GRHL3: variants seen among roughly 807,000 people sequenced by gnomAD.
The protein encoded by GRHL3 is grainyhead-like protein 3 homolog.
In GRHL3, 20 loss-of-function variants were observed where a neutral mutation model predicts 70.3. That is an observed-to-expected ratio of 0.28 (90% CI 0.20 to 0.41). The LOEUF (loss-of-function observed/expected upper bound fraction) is 0.41, where lower values mean the gene tolerates loss of function less well. Ranked by LOEUF, GRHL3 falls within the 10% of genes least tolerant of loss-of-function variation. The pLI is 1.00. For synonymous variants in GRHL3, 299 were observed against 299.9 expected (o/e 1.00, Z 0.03); for missense variants, 637 against 762.3 (o/e 0.84, Z 1.94).
At chr1:24,332,466 C>T (rs1299827789) in intron 2 of GRHL3, among the ~76,000 whole-genome samples, 1 of 152,200 alleles carries the variant, frequency 6.6e-6, no homozygotes, top group Admixed American at 6.5e-5. Flanking sequence ...ACCCCCCTCC[C>T]ACCTCCAGTG....
intron 1 of GRHL3, chr1:24,323,110 A>T (rs1488762102): frequency 1.3e-6 from 2 of 1,535,720 alleles, no homozygotes; most frequent in Admixed American, 2.0e-5. Flanking sequence ...CATTCTTCCT[A>T]TTTTTCTGTA....
Position 24,342,652 on chromosome 1 carries a change from C to T in GRHL3, c.1207-42C>T. 6.4e-7 allele frequency: 1 copy of T among 1,554,986 alleles called. No individual in the cohort carries two copies. The highest frequency in any genetic ancestry group is 8.9e-7 in the Non-Finnish European group (1 of 1,126,546). On this transcript the variant is annotated intron_variant, in intron 9 of 15. Transcript: ENST00000361548. This position sits in a 1 kb window ranked among gnomAD's most constrained non-coding sequence, Gnocchi z 4.8. ...GCAGCAGCTGTGAAAGTAGCTAGCC[C>T]CTCCCAGGCCCTTGGTGACCCTCTC...
chr1:24,337,473 T>C (rs1248102786), intron 5 of GRHL3, 163 bp from the exon 6 acceptor site: 2 of 705,580 alleles, frequency 2.8e-6, no homozygotes, highest in Admixed American at 2.9e-5. Context: ...AGCCATTAAA[T>C]AGAACCCCCA....
At chr1:24,323,331 A>G (rs1639275178) in intron 1 of GRHL3, among the ~76,000 whole-genome samples, 1 of 152,162 alleles carries the variant, frequency 6.6e-6, no homozygotes, top group Admixed American at 6.5e-5. Context: ...CTGAATCAGA[A>G]ACTGGGGGTA....
In GRHL3 at chr1:24,322,116, A is replaced by G. The variant is rs1359405235; in HGVS notation, c.17+2548A>G. Among the ~76,000 whole-genome samples, 1 of 152,042 alleles carries G rather than the reference A, an allele frequency of 6.6e-6. No individual in the cohort carries two copies. The highest frequency in any genetic ancestry group is 2.4e-5 in the African/African-American group (1 of 41,398). Reference sequence around the variant, plus strand: ...TGGAGGGCCGGCCGGCGCTCCAGGCAGGCCCCGTTGACAGCCCAGGAAGGG... The same window carrying G: ...TGGAGGGCCGGCCGGCGCTCCAGGCGGGCCCCGTTGACAGCCCAGGAAGGG... On this transcript the variant is annotated intron_variant, in intron 1 of 15. Transcript: ENST00000361548. This position sits in a 1 kb window ranked among gnomAD's most constrained non-coding sequence, Gnocchi z 4.4.
intron 2 of GRHL3, among the ~76,000 whole-genome samples, chr1:24,333,004 G>C (rs886848225): frequency 3.3e-4 from 51 of 152,354 alleles, no homozygotes; most frequent in African/African-American, 1.2e-3. Flanking sequence ...CAGAATTCTA[G>C]ATCTAGGTTC....
chr1:24,356,761 G>A (rs755860352), downstream of GRHL3, among the ~76,000 whole-genome samples: 2 of 152,210 alleles, frequency 1.3e-5, no homozygotes, highest in African/African-American at 4.8e-5. Context: ...CAGTCCCTGC[G>A]TACCCTCCCT....
In GRHL3 at chr1:24,347,553, G is replaced by A. The variant is rs773984293; in HGVS notation, c.1629G>A (p.Ala543=). 3 of 1,612,744 alleles carry A rather than the reference G, an allele frequency of 1.9e-6. No individual in the cohort carries two copies. The highest frequency in any genetic ancestry group is 8.5e-7 in the Non-Finnish European group (1 of 1,178,784). ...KTPDLKGLRN[A]ISEKYGFPEE... is the part of the protein sequence containing the mutation. ...CAGACCTGAAGGGGCTGAGGAATGC[G>A]GTAAGCTGCCTGTGGACCCCGCCCC... The change falls in exon 14 of 16, where the codon GCG becomes GCA. Residue 543 remains alanine, a splice_region_variant and synonymous_variant. Transcript: ENST00000361548.
chr1:24,337,751 G>T lies in GRHL3; in HGVS notation c.802G>T (p.Gly268Cys). ...CCCCGTCACCCTGCGGACCCCAGCA[G>T]GTGGCAAAGGCCTTGCCTTGTCCTC... ...FYPVTLRTPAGGKGLALSSNK... is the reference protein window; with the variant it reads ...FYPVTLRTPACGKGLALSSNK... Residue 268 changes from glycine to cysteine, a missense_variant, in exon 6 of 16, where the codon GGT becomes TGT. Physicochemically the swap from Gly to Cys is radical, Grantham distance 159. Around this residue, in one of 2 missense-constraint regions of GRHL3, gnomAD observed 387 missense variants for 513.8 expected, o/e 0.75. Coordinates refer to ENST00000361548, the MANE Select transcript of GRHL3 (RefSeq NM_198173.3). 1 of 1,614,242 alleles carries T rather than the reference G, an allele frequency of 6.2e-7. No homozygotes were observed. The highest frequency in any genetic ancestry group is 2.2e-5 in the East Asian group (1 of 44,876).
chr1:24,336,479 C>T lies in GRHL3; in HGVS notation c.267-3C>T. ...ACACTCAGCCCCTTTTCTTTCTCCC[C>T]AGGTACTACCATGGCATGGAATATG... On this transcript the variant is annotated splice_polypyrimidine_tract_variant and splice_region_variant and intron_variant, in intron 3 of 15. Coordinates refer to ENST00000361548, the MANE Select transcript of GRHL3 (RefSeq NM_198173.3). The T allele has an allele frequency of 6.4e-7, 1 of 1,557,058 alleles. No individual in the cohort carries two copies. Among genetic ancestry groups the T allele is most frequent in the East Asian group, 2.3e-5 (1 of 44,220 alleles).
At chr1:24,333,251 C>G (rs1639675387) in intron 2 of GRHL3, among the ~76,000 whole-genome samples, 1 of 152,214 alleles carries the variant, frequency 6.6e-6, no homozygotes, top group Non-Finnish European at 1.5e-5. Context: ...ATGACATGGT[C>G]TGATGGTGTG....
chr1:24,344,123 G>C (rs1016935208), intron 11 of GRHL3, among the ~76,000 whole-genome samples: 24 of 152,188 alleles, frequency 1.6e-4, no homozygotes, highest in Non-Finnish European at 3.4e-4. Context: ...GGTTGAGGGT[G>C]GGCCAGTCTC....
chr1:24,364,161 C>A (rs1569976026), intron 15 of GRHL3: 2 of 1,485,228 alleles, frequency 1.3e-6, no homozygotes, highest in South Asian at 1.4e-5. Flanking sequence ...GAATTCAATT[C>A]TTGACGTTCT....
At chr1:24,349,575 G>A (rs1640424963) in intron 14 of GRHL3, among the ~76,000 whole-genome samples, 1 of 152,220 alleles carries the variant, frequency 6.6e-6, no homozygotes, top group Non-Finnish European at 1.5e-5. Flanking sequence ...CCTCTGAGGT[G>A]GGCACTGTTC....
Position 24,342,906 on chromosome 1 carries a change from C to G in GRHL3, c.1300C>G (p.Leu434Val). ...TCTCCCATCAGGCGTCAAGGGCTGC[C>G]TGCTGTCGGGCTTCAGGGGCAATGA... ...DSSNSGVKGCLLSGFRGNETT... is the reference protein window; with the variant it reads ...DSSNSGVKGCVLSGFRGNETT... Residue 434 changes from leucine to valine, a missense_variant, in exon 11 of 16, where the codon CTG becomes GTG. Leu to Val is a conservative substitution (Grantham distance 32). Coordinates refer to ENST00000361548, the MANE Select transcript of GRHL3 (RefSeq NM_198173.3). The surrounding 1 kb of genome is among the most constrained non-coding windows in gnomAD (Gnocchi z 4.8). 1 of 1,614,192 alleles carries G rather than the reference C, an allele frequency of 6.2e-7. No homozygotes were observed. Among genetic ancestry groups the G allele is most frequent in the Non-Finnish European group, 8.5e-7 (1 of 1,180,034 alleles).
Position 24,331,550 on chromosome 1 carries a change from A to C in GRHL3, c.142A>C (p.Met48Leu). The C allele has an allele frequency of 6.2e-7, 1 of 1,614,182 alleles. No homozygotes were observed. The highest frequency in any genetic ancestry group is 1.1e-5 in the South Asian group (1 of 91,082). ...GTTGACAGCTGCCACAAAGGCCATG[A>C]TGAGAGTCAATGGAGATGATGACAG... The part of the protein sequence containing the change: ...NPLTAATKAM[M>L]RVNGDDDSVA... Residue 48 changes from methionine to leucine, a missense_variant, in exon 2 of 16, where the codon ATG becomes CTG. Transcript: ENST00000361548.
At chr1:24,341,651 G>A (rs1474452713) in intron 8 of GRHL3, among the ~76,000 whole-genome samples, 4 of 152,178 alleles carry the variant, frequency 2.6e-5, no homozygotes, top group Non-Finnish European at 4.4e-5. Flanking sequence ...GGGGTGGAGA[G>A]GGGCTGTGTC....
chr1:24,342,969 C>G lies in GRHL3; in HGVS notation c.1363C>G (p.Pro455Ala), dbSNP rs141193530. Residue 455 changes from proline to alanine, a missense_variant, in exon 11 of 16, where the codon CCA becomes GCA. Coordinates refer to ENST00000361548, the MANE Select transcript of GRHL3 (RefSeq NM_198173.3). The surrounding 1 kb of genome is among the most constrained non-coding windows in gnomAD (Gnocchi z 4.8). Reference sequence around the variant, plus strand: ...TCGGCCAGAGACTGACCTGGAGACGCCACCCGTGCTGTTCATCCCCAATGT... The same window carrying G: ...TCGGCCAGAGACTGACCTGGAGACGGCACCCGTGCTGTTCATCCCCAATGT... ...YLRPETDLET[P>A]PVLFIPNVHF... is the part of the protein sequence containing the mutation. 11,148 of 1,614,086 alleles carry G rather than the reference C, an allele frequency of 6.9e-3. 48 individuals carry two copies. Among genetic ancestry groups the G allele is most frequent in the Non-Finnish European group, 8.5e-3 (10,005 of 1,180,018 alleles).
At chr1:24,357,384 G>A (rs1640792930), downstream of GRHL3, 1 of 152,406 alleles carries the variant, frequency 6.6e-6, no homozygotes, top group African/African-American at 2.4e-5. Flanking sequence ...CAGTTAGGAA[G>A]CTGGAAGGTG....
Sources: allele counts gnomAD v4.1 joint callset (sites outside exome capture counted in the v4.1 genomes callset), GRCh38; gene constraint gnomAD v4.1.1; regional missense constraint gnomAD v4.1.1; non-coding constraint Gnocchi (gnomAD v3.1); transcripts MANE v1.5; gene names NCBI Gene and HGNC (gene_info 2026-07-23, HGNC 2026-07-21).